The following CYP27C1 variants were observed in gnomAD, a reference collection of about 807,000 sequenced individuals.
CYP27C1 encodes cytochrome P450 27C1.
A neutral mutation model predicts 40.6 loss-of-function variants in CYP27C1; 29 were observed. The ratio of observed to expected loss-of-function variants is 0.71; its 90% CI spans 0.53 to 0.97. The LOEUF (loss-of-function observed/expected upper bound fraction) is 0.97. Among genes scored for constraint, CYP27C1 ranks in the 50% least tolerant of loss-of-function variants. The pLI is 0.00. For missense variants in CYP27C1, 390 were observed against 485.8 expected, an observed-to-expected ratio of 0.80 and a Z score of 1.85; for synonymous variants, 198 against 186.8, an observed-to-expected ratio of 1.06 and a Z score of -0.49.
chr2:127,204,535 A>AAGAAAGAGAG lies in CYP27C1; in HGVS notation c.474-965_474-964insCTCTCTTTCT, dbSNP rs1558931272. On this transcript the variant is annotated intron_variant, in intron 2 of 8. Transcript: ENST00000664447. Reference sequence around the variant, plus strand: ...AAAGAAGGAAAGAAAGAAAGAAAGAAAGAGAGAGAGAGAGAGAGAGAGAAA... The same window carrying AAGAAAGAGAG: ...AAAGAAGGAAAGAAAGAAAGAAAGAAAGAAAGAGAGAGAGAGAGAGAGAGAGAGAGAGAAA... Among the ~76,000 whole-genome samples the AAGAAAGAGAG allele has an allele frequency of 4.3e-4, 20 of 46,870 alleles. 2 individuals are homozygous for AAGAAAGAGAG. Among genetic ancestry groups the AAGAAAGAGAG allele is most frequent in the Non-Finnish European group, 5.7e-4 (13 of 22,740 alleles). 30.7% of individuals were successfully genotyped at this position (46,870 alleles called of 152,430 possible).
chr2:127,198,186 TACAC>T (rs3033450), intron 5 of CYP27C1, among the ~76,000 whole-genome samples: 5,818 of 148,148 alleles, frequency 0.039, 148 homozygotes, highest in Non-Finnish European at 0.054. Flanking sequence ...AATTTGTTGA[TACAC>T]ACACACACAC....
chr2:127,188,490 C>T (rs868106906), intron 8 of CYP27C1, among the ~76,000 whole-genome samples: 4 of 151,760 alleles, frequency 2.6e-5, no homozygotes, highest in African/African-American at 4.9e-5. Flanking sequence ...CTCCCACCTC[C>T]GCCTCCCCAA....
At position 127,200,034 on chromosome 2, in the gene CYP27C1, C is replaced by T. The variant is rs1390585922; in HGVS notation, c.884-495G>A. Among the ~76,000 whole-genome samples the T allele has an allele frequency of 6.6e-6, 1 of 152,312 alleles. No homozygotes were observed. Among genetic ancestry groups the T allele is most frequent in the African/African-American group, 2.4e-5 (1 of 41,554 alleles). On this transcript the variant is annotated intron_variant, in intron 4 of 8. Transcript: ENST00000664447. This position sits in a 1 kb window ranked among gnomAD's most constrained non-coding sequence, Gnocchi z 4.2. ...TCGCTCTGTGGCCCAGGCTGGAGTG[C>T]AGTGGCAGGATCTCGGCTCACTGCA... is the stretch of plus-strand genomic sequence containing the variant.
At chr2:127,204,911 G>A (rs867468875) in intron 2 of CYP27C1, among the ~76,000 whole-genome samples, 1 of 152,134 alleles carries the variant, frequency 6.6e-6, no homozygotes, top group East Asian at 1.9e-4. Flanking sequence ...CTCCACTTTC[G>A]CGTTCTCAAG....
At chr2:127,191,951 C>T (rs937689101) in intron 8 of CYP27C1, among the ~76,000 whole-genome samples, 1 of 152,198 alleles carries the variant, frequency 6.6e-6, no homozygotes, top group East Asian at 1.9e-4. Flanking sequence ...CCCCACACCT[C>T]GTTCTGTGCC....
At chr2:127,190,462 C>T (rs1182164895) in intron 8 of CYP27C1, among the ~76,000 whole-genome samples, 3 of 149,390 alleles carry the variant, frequency 2.0e-5, no homozygotes, top group Admixed American at 6.7e-5. Context: ...CCTGCCTCAG[C>T]CTCCCAAGTA....
At position 127,201,193 on chromosome 2, in the gene CYP27C1, C is replaced by A. The variant is rs765028737; in HGVS notation, c.812G>T (p.Arg271Ile). The A allele has an allele frequency of 6.2e-7, 1 of 1,614,028 alleles. No homozygotes were observed. Among genetic ancestry groups the A allele is most frequent in the Admixed American group, 1.7e-5 (1 of 60,006 alleles). Reference protein sequence around the residue: ...KTSMYAGAIPRWLRPFIPKPW... With the variant: ...KTSMYAGAIPIWLRPFIPKPW... ...CTTTGGGATGAAGGGGCGAAGCCAT[C>A]TGGGGATGGCGCCTGCATACATGGA... The change falls in exon 4 of 9, where the codon AGA (arginine) becomes ATA (isoleucine). Residue 271 changes from arginine to isoleucine, a missense_variant. Coordinates refer to ENST00000664447, the MANE Select transcript of CYP27C1 (RefSeq NM_001367502.1). The surrounding 1 kb of genome is among the most constrained non-coding windows in gnomAD (Gnocchi z 6.0).
At chr2:127,190,565 C>T (rs113641269) in intron 8 of CYP27C1, among the ~76,000 whole-genome samples, 1,952 of 150,768 alleles carry the variant, frequency 0.013, 35 homozygotes, top group African/African-American at 0.045. Context: ...TGGTCTCGAA[C>T]TCCTGACCTC....
chr2:127,195,653 CG>C lies in CYP27C1; in HGVS notation c.1048-153del. ...ATAGCACCTAATGTCTTACTAAAAA[CG>C]AAAGACTGTTTCCTTAATTCATGGC... On this transcript the variant is annotated intron_variant, in intron 5 of 8. Transcript: ENST00000664447. This position sits in a 1 kb window ranked among gnomAD's most constrained non-coding sequence, Gnocchi z 6.2. 3 of 633,846 alleles carry C rather than the reference CG, an allele frequency of 4.7e-6. No homozygotes were observed. The highest frequency in any genetic ancestry group is 7.8e-6 in the Non-Finnish European group (3 of 386,748). The allele number at this position is 633,846 out of a possible 1,614,324, so 39.3% of individuals were successfully genotyped here. A position where few individuals can be genotyped will look rare whatever the true frequency, so the allele number is the denominator to read the frequency against.
chr2:127,211,369 GTTTTTTTTTTTT>G (rs371826841), intron 1 of CYP27C1, among the ~76,000 whole-genome samples: 2 of 94,940 alleles, frequency 2.1e-5, no homozygotes, highest in African/African-American at 4.3e-5. Context: ...GTGTTTTTTT[GTTTTTTTTTTTT>G]TTTTTTTTTT....
At chr2:127,213,211 A>G (rs1313657605) in intron 1 of CYP27C1, among the ~76,000 whole-genome samples, 1 of 152,212 alleles carries the variant, frequency 6.6e-6, no homozygotes, top group Non-Finnish European at 1.5e-5. Context: ...ATGGATAGGA[A>G]GAATCAATAT....
chr2:127,189,300 G>C (rs1682709440), intron 8 of CYP27C1, among the ~76,000 whole-genome samples: 1 of 151,352 alleles, frequency 6.6e-6, no homozygotes. Context: ...CACCATGAAA[G>C]CTGTCCCTTT....
At chr2:127,197,178 T>C (rs1448338725) in intron 5 of CYP27C1, among the ~76,000 whole-genome samples, 1 of 152,112 alleles carries the variant, frequency 6.6e-6, no homozygotes, top group African/African-American at 2.4e-5. Context: ...TTTCAAGTGG[T>C]GTCTTAATTT....
At position 127,193,873 on chromosome 2, in the gene CYP27C1, A is replaced by G. The variant is rs556246994; in HGVS notation, c.1215-6T>C. 31 of 1,614,178 alleles carry G rather than the reference A, an allele frequency of 1.9e-5. No homozygotes were observed. The South Asian group carries it at 3.3e-4, about 17-fold the overall frequency. ...CTGGCAGCACTGGAAACAGCCTGGAAAAGAGCCAGCGGGGACGGGAATGGC... is the reference window on the plus strand; with the variant it reads ...CTGGCAGCACTGGAAACAGCCTGGAGAAGAGCCAGCGGGGACGGGAATGGC... On this transcript the variant is annotated splice_region_variant and splice_polypyrimidine_tract_variant and intron_variant, in intron 6 of 8. Coordinates refer to ENST00000664447, the MANE Select transcript of CYP27C1 (RefSeq NM_001367502.1).
chr2:127,187,442 G>C (rs895164910), intron 8 of CYP27C1, 55 bp from the exon 9 acceptor site: 1 of 1,475,794 alleles, frequency 6.8e-7, no homozygotes, highest in African/African-American at 1.4e-5. Context: ...AAAATTCTCA[G>C]TGCTCCCTGA....
At chr2:127,216,836 T>C (rs1683439632) in intron 1 of CYP27C1, among the ~76,000 whole-genome samples, 1 of 152,224 alleles carries the variant, frequency 6.6e-6, no homozygotes, top group Non-Finnish European at 1.5e-5. Flanking sequence ...CTCTTTGGTA[T>C]CTGCCCAGCT....
chr2:127,198,617 C>G (rs1023175361), intron 5 of CYP27C1, among the ~76,000 whole-genome samples: 3 of 152,072 alleles, frequency 2.0e-5, no homozygotes, highest in African/African-American at 4.8e-5. Flanking sequence ...AATGGTGATC[C>G]CATAAGATTA....
intron 8 of CYP27C1, among the ~76,000 whole-genome samples, chr2:127,191,319 A>G (rs1426905003): frequency 6.6e-6 from 1 of 152,190 alleles, no homozygotes; most frequent in Non-Finnish European, 1.5e-5. Context: ...TTTTTAAGCA[A>G]AAACTTTAGC....
At position 127,186,822 on chromosome 2, in the gene CYP27C1, CA is replaced by C. The variant is rs1274720305; in HGVS notation, c.*448del. 1.9e-5 allele frequency: 3 copies of C among 155,402 alleles called. No homozygotes were observed. Among genetic ancestry groups the C allele is most frequent in the Admixed American group, 1.3e-4 (2 of 15,866 alleles). 9.6% of individuals were successfully genotyped at this position (155,402 alleles called of 1,614,324 possible). A position where few individuals can be genotyped will look rare whatever the true frequency, so the allele number is the denominator to read the frequency against. Reference sequence around the variant, plus strand: ...AGAGGCATTCTTAATGTTCCCTCTTCAAATTAGAAACAGTAAGTTGAAATTG... The same window carrying C: ...AGAGGCATTCTTAATGTTCCCTCTTCAATTAGAAACAGTAAGTTGAAATTG... On this transcript the variant is annotated 3_prime_UTR_variant, in exon 9 of 9. Coordinates refer to ENST00000664447, the MANE Select transcript of CYP27C1 (RefSeq NM_001367502.1). The surrounding 1 kb of genome is among the most constrained non-coding windows in gnomAD (Gnocchi z 4.5).
Sources: allele counts gnomAD v4.1 joint callset (sites outside exome capture counted in the v4.1 genomes callset), GRCh38; gene constraint gnomAD v4.1.1; non-coding constraint Gnocchi (gnomAD v3.1); transcripts MANE v1.5; gene names NCBI Gene and HGNC (gene_info 2026-07-23, HGNC 2026-07-21).